Variants in MAP4K1 observed in about 807,000 individuals in gnomAD.
MAP4K1 encodes the protein mitogen-activated protein kinase kinase kinase kinase 1, also known as MAPK/ERK kinase kinase kinase 1.
In MAP4K1, 35 loss-of-function variants were observed where a neutral mutation model predicts 122.8. That is an observed-to-expected ratio of 0.29 (90% confidence interval 0.22 to 0.38). The LOEUF is 0.38. Ranked by LOEUF, MAP4K1 falls within the 10% of genes least tolerant of loss-of-function variation. The pLI, the probability that MAP4K1 is intolerant of heterozygous loss-of-function variation, is 1.00. For missense variants in MAP4K1, 791 were observed against 1,072.6 expected (o/e 0.74, Z 3.67); for synonymous variants, 412 against 421.3 (o/e 0.98, Z 0.27).
chr19:38,605,544 C>T (rs2144726932), intron 18 of MAP4K1, 24 bp downstream of exon 18: 1 of 1,535,538 alleles, frequency 6.5e-7, no homozygotes, highest in Non-Finnish European at 8.8e-7. Context: ...CCCTCCCGCC[C>T]TCCACCCTAG....
intron 14 of MAP4K1, 30 bp from the exon 15 acceptor site, chr19:38,608,063 C>T: frequency 1.3e-6 from 2 of 1,575,240 alleles, no homozygotes; most frequent in East Asian, 2.2e-5. Context: ...TCAGCAGTGG[C>T]CTCAGGGAAG....
intron 27 of MAP4K1, 21 bp downstream of exon 27, chr19:38,595,918 G>A (rs1974860358): frequency 6.2e-7 from 1 of 1,613,312 alleles, no homozygotes; most frequent in Non-Finnish European, 8.5e-7. Context: ...GGGGAGGAAG[G>A]GGAGGAAGGA....
Position 38,587,735 on chromosome 19 carries a change from C to T in MAP4K1, c.*13G>A, listed in dbSNP as rs1974563998. 5 of 1,608,974 alleles carry T rather than the reference C, an allele frequency of 3.1e-6. No homozygotes were observed. Among genetic ancestry groups the T allele is most frequent in the Non-Finnish European group, 4.3e-6 (5 of 1,175,718 alleles). On this transcript the variant is annotated 3_prime_UTR_variant, in exon 31 of 31. Transcript: ENST00000396857. ...GGGGTGCAAGGACTAGTTCCTGACA[C>T]CCCCCTAGGGACTCATTCCTGGATG...
In MAP4K1 at chr19:38,616,263, C is replaced by A. The variant is rs78484109; in HGVS notation, c.249-4G>T. 1,100 of 1,610,848 alleles carry A rather than the reference C, an allele frequency of 6.8e-4. 4 individuals are homozygous for A. The African/African-American group carries it at 0.013, about 19-fold the overall frequency. On this transcript the variant is annotated splice_polypyrimidine_tract_variant and splice_region_variant and intron_variant, in intron 3 of 30. Coordinates refer to ENST00000396857, the MANE Select transcript of MAP4K1 (RefSeq NM_001042600.3). ...GCAGATCCAGAGTTTCTGCAACCTG[C>A]AGTGGTTCAAGAGTAAGAATAATAA... is the stretch of plus-strand genomic sequence containing the variant.
At chr19:38,605,017 G>A (rs1046260522) in intron 19 of MAP4K1, among the ~76,000 whole-genome samples, 2 of 151,330 alleles carry the variant, frequency 1.3e-5, no homozygotes, top group Non-Finnish European at 2.9e-5. Flanking sequence ...AACTAGGGAG[G>A]CGGAGGTTGT....
chr19:38,607,744 G>C lies in MAP4K1; in HGVS notation c.1157+120C>G, dbSNP rs1275543439. ...GGTCTAATCAGGGCTCAGGGCTCGG[G>C]GCTAGAAGAAAGGCAGGGGTGCAGC... On this transcript the variant is annotated intron_variant, in intron 16 of 30. Coordinates refer to ENST00000396857, the MANE Select transcript of MAP4K1 (RefSeq NM_001042600.3). 5.4e-6 allele frequency: 6 copies of C among 1,107,252 alleles called. No homozygotes were observed. In the East Asian group the frequency reaches 1.3e-4, roughly 24 times the overall value. The allele number at this position is 1,107,252 out of a possible 1,614,324, so 68.6% of individuals were successfully genotyped here.
At chr19:38,598,864 T>G (rs1974968397) in intron 22 of MAP4K1, among the ~76,000 whole-genome samples, 1 of 141,708 alleles carries the variant, frequency 7.1e-6, no homozygotes, top group South Asian at 2.3e-4. Flanking sequence ...ACACAAAAAA[T>G]TAGCCGCGTG....
Position 38,613,890 on chromosome 19 carries a change from T to C in MAP4K1, c.523A>G (p.Thr175Ala). The C allele has an allele frequency of 6.2e-7, 1 of 1,610,062 alleles. No homozygotes were observed. The highest frequency in any genetic ancestry group is 8.5e-7 in the Non-Finnish European group (1 of 1,178,408). ...CTGGGCGCCACTCACCAGTAGGGTGTCCCAATGAAAGAGAGGCGTCTGGCC... is the reference window on the plus strand; with the variant it reads ...CTGGGCGCCACTCACCAGTAGGGTGCCCCAATGAAAGAGAGGCGTCTGGCC... ...TLARRLSFIG[T>A]PYWMAPEVAA... Residue 175 changes from threonine to alanine, a missense_variant, in exon 8 of 31, where the codon ACA becomes GCA. By Grantham distance (58) the Thr-to-Ala change is moderately conservative (BLOSUM62 0). Coordinates refer to ENST00000396857, the MANE Select transcript of MAP4K1 (RefSeq NM_001042600.3).
chr19:38,587,681 C>A lies in MAP4K1; in HGVS notation c.*67G>T. 1 of 1,235,326 alleles carries A rather than the reference C, an allele frequency of 8.1e-7. No homozygotes were observed. Among genetic ancestry groups the A allele is most frequent in the Non-Finnish European group, 1.2e-6 (1 of 837,116 alleles). 76.5% of individuals were successfully genotyped at this position (1,235,326 alleles called of 1,614,324 possible). The stretch of plus-strand genomic sequence containing the variant: ...ATGTTTATTGGGAGATGAGGACATG[C>A]CATGACCACTAGTGTGTCTATGGGG... On this transcript the variant is annotated 3_prime_UTR_variant, in exon 31 of 31. Transcript: ENST00000396857.
Position 38,617,021 on chromosome 19 carries a change from G to A in MAP4K1, c.248+333C>T, listed in dbSNP as rs546137548. Reference sequence around the variant, plus strand: ...CCAGCACTTTCGGAGGCCGAGGCGAGTGGATCACAAGGTCAGGAGTTCAAG... The same window carrying A: ...CCAGCACTTTCGGAGGCCGAGGCGAATGGATCACAAGGTCAGGAGTTCAAG... On this transcript the variant is annotated intron_variant, in intron 3 of 30. Transcript: ENST00000396857. The surrounding 1 kb of genome is among the most constrained non-coding windows in gnomAD (Gnocchi z 4.1). 2.0e-5 allele frequency among the ~76,000 whole-genome samples: 3 copies of A among 152,174 alleles called. No individual in the cohort carries two copies. The highest frequency in any genetic ancestry group is 4.1e-4 in the South Asian group (2 of 4,824).
chr19:38,616,994 T>C (rs1160903114), intron 3 of MAP4K1, among the ~76,000 whole-genome samples: 1 of 151,946 alleles, frequency 6.6e-6, no homozygotes, highest in Non-Finnish European at 1.5e-5. Flanking sequence ...ACACCTGTAA[T>C]CCCAGCACTT....
At chr19:38,595,853 G>C (rs1974858532) in intron 27 of MAP4K1, 86 bp downstream of exon 27, 2 of 1,533,980 alleles carry the variant, frequency 1.3e-6, no homozygotes, top group Non-Finnish European at 1.8e-6. Flanking sequence ...GGCTCAGGGG[G>C]TTCTGAGAAG....
chr19:38,598,311 G>A (rs2144706300), intron 22 of MAP4K1, among the ~76,000 whole-genome samples: 1 of 151,960 alleles, frequency 6.6e-6, no homozygotes, highest in South Asian at 2.1e-4. Context: ...GATTACAGGT[G>A]TGAACCACCG....
At chr19:38,590,412 T>A (rs1442537288) in intron 30 of MAP4K1, among the ~76,000 whole-genome samples, 62 of 74,184 alleles carry the variant, frequency 8.4e-4, no homozygotes, top group African/African-American at 2.9e-3. Context: ...TATATATATA[T>A]ATATATATAT....
chr19:38,609,792 C>T (rs1975440662), intron 12 of MAP4K1, 117 bp downstream of exon 12: 2 of 1,297,914 alleles, frequency 1.5e-6, no homozygotes, highest in Non-Finnish European at 2.2e-6. Flanking sequence ...ACCAAGCTCC[C>T]CATCCTCCCT....
In MAP4K1 at chr19:38,617,420, T is replaced by C. The variant is rs1293234133; in HGVS notation, c.182A>G (p.Lys61Arg). The part of the protein sequence containing the change: ...EPDDDVSTLQ[K>R]EILILKTCRH... The stretch of plus-strand genomic sequence containing the variant: ...GCAAGTTTTCAATATGAGGATTTCC[T>C]TCTGAAGGGTGGAGACATCATCATC... Residue 61 changes from lysine (K) to arginine (R), a missense_variant, in exon 3 of 31, where the codon AAG (lysine) becomes AGG (arginine). Lys to Arg is a conservative substitution (Grantham distance 26). Around this residue, in one of 4 missense-constraint regions of MAP4K1, gnomAD observed 163 missense variants for 286.1 expected, o/e 0.57. Coordinates refer to ENST00000396857, the MANE Select transcript of MAP4K1 (RefSeq NM_001042600.3). The surrounding 1 kb of genome is among the most constrained non-coding windows in gnomAD (Gnocchi z 4.1). 2.5e-6 allele frequency: 4 copies of C among 1,613,654 alleles called. No homozygotes were observed. Among genetic ancestry groups the C allele is most frequent in the Non-Finnish European group, 3.4e-6 (4 of 1,179,712 alleles).
At chr19:38,605,208 T>C (rs967846942) in intron 19 of MAP4K1, among the ~76,000 whole-genome samples, 1 of 151,872 alleles carries the variant, frequency 6.6e-6, no homozygotes, top group Admixed American at 6.6e-5. Context: ...ATTTGTGAAA[T>C]GGGGGATAAC....
intron 19 of MAP4K1, among the ~76,000 whole-genome samples, chr19:38,602,937 T>C: frequency 6.9e-6 from 1 of 145,248 alleles, no homozygotes. Context: ...TATACATATA[T>C]ACACATACAT....
chr19:38,606,143 C>T lies in MAP4K1; in HGVS notation c.1200+30G>A, dbSNP rs763361029. The T allele has an allele frequency of 1.3e-5, 21 of 1,566,980 alleles. No individual in the cohort carries two copies. The African/African-American group carries it at 2.8e-4, about 21-fold the overall frequency. On this transcript the variant is annotated intron_variant, in intron 17 of 30. Transcript: ENST00000396857. ...CTGGCCCCCAGTGGCCCTGAGGCCC[C>T]AGCCTCCCAGCTCTGGCCCAGGGCC... is the stretch of plus-strand genomic sequence containing the variant.
Sources: gnomAD v4.1 joint callset for allele counts (sites outside exome capture counted in the v4.1 genomes callset) on GRCh38, gnomAD v4.1.1 for gene constraint, gnomAD v4.1.1 regional missense constraint, Gnocchi (gnomAD v3.1) non-coding constraint, MANE v1.5 for transcripts, NCBI Gene and HGNC (gene_info 2026-07-23, HGNC 2026-07-21) for gene names.